Variants in EXD3 observed in about 807,000 individuals in gnomAD.
The protein encoded by EXD3 is exonuclease mut-7 homolog.
A neutral mutation model predicts 98.0 loss-of-function variants in EXD3; 92 were observed. That is an observed-to-expected ratio of 0.94 (90% CI 0.79 to 1.12). The LOEUF (loss-of-function observed/expected upper bound fraction) is 1.12. EXD3 is among the 50% of genes most tolerant of loss of function. The pLI is 0.00. For missense variants in EXD3, 1,222 were observed against 1,191.6 expected, an observed-to-expected ratio of 1.03 and a Z score of -0.38; for synonymous variants, 569 against 526.0, an observed-to-expected ratio of 1.08 and a Z score of -1.12.
At chr9:137,416,709 G>A (rs1362717084) in intron 1 of EXD3, among the ~76,000 whole-genome samples, 2 of 152,222 alleles carry the variant, frequency 1.3e-5, no homozygotes, top group African/African-American at 2.4e-5. Flanking sequence ...TCACACCGAG[G>A]TGGCACCAGG....
chr9:137,361,838 A>C (rs1835010267), intron 7 of EXD3, among the ~76,000 whole-genome samples: 1 of 152,056 alleles, frequency 6.6e-6, no homozygotes, highest in African/African-American at 2.4e-5. Context: ...AATGACATAG[A>C]TCATAGAATT....
intron 5 of EXD3, 59 bp downstream of exon 5, chr9:137,372,846 C>T (rs1325388576): frequency 6.4e-7 from 1 of 1,566,184 alleles, no homozygotes; most frequent in Non-Finnish European, 8.6e-7. Flanking sequence ...CCAGGCGCGT[C>T]CTTGCCCCAC....
chr9:137,385,550 T>C lies in EXD3; in HGVS notation c.56-2173A>G, dbSNP rs1215495530. 6.6e-6 allele frequency among the ~76,000 whole-genome samples: 1 copy of C among 152,170 alleles called. No homozygotes were observed. ...TATTTTGTTATTTAAGTTAATATTTTATTTAGAGACGGAGTCTCACTGTCA... is the reference window on the plus strand; with the variant it reads ...TATTTTGTTATTTAAGTTAATATTTCATTTAGAGACGGAGTCTCACTGTCA... On this transcript the variant is annotated intron_variant, in intron 2 of 21. Transcript: ENST00000340951. This position sits in a 1 kb window ranked among gnomAD's most constrained non-coding sequence, Gnocchi z 4.4.
rs1308757354 is a variant in EXD3, at chr9:137,352,088, C to T, written c.1151G>A (p.Arg384Lys). The T allele has an allele frequency of 6.2e-7, 1 of 1,612,334 alleles. No individual in the cohort carries two copies. Among genetic ancestry groups the T allele is most frequent in the Non-Finnish European group, 8.5e-7 (1 of 1,179,608 alleles). ...HLLASWEDLT[R>K]HEGALLQCHQ... ...CACCTGCAGGAGTGCACCCTCGTGT[C>T]TGGTCAGGTCTTCCCACGAGGCCAG... Residue 384 changes from arginine (R) to lysine (K), a missense_variant, in exon 12 of 22, where the codon AGA becomes AAA. Arg to Lys is a conservative substitution (Grantham distance 26). Coordinates refer to ENST00000340951, the MANE Select transcript of EXD3 (RefSeq NM_017820.5).
intron 3 of EXD3, among the ~76,000 whole-genome samples, chr9:137,380,264 C>T (rs1394542354): frequency 4.6e-5 from 7 of 151,630 alleles, no homozygotes; most frequent in South Asian, 2.1e-4. Context: ...CTGCTGTGCA[C>T]GGAGAAAACA....
chr9:137,391,459 G>A (rs553577366), intron 2 of EXD3, among the ~76,000 whole-genome samples: 1 of 152,226 alleles, frequency 6.6e-6, no homozygotes, highest in Non-Finnish European at 1.5e-5. Context: ...GGCTCCCATT[G>A]TCCGGAGCCC....
At position 137,354,490 on chromosome 9, in the gene EXD3, T is replaced by A. The variant is rs1834504603; in HGVS notation, c.832-113A>T. The stretch of plus-strand genomic sequence containing the variant: ...GGGTACATCCTTGGCAGAGCCCAGG[T>A]GCTCACCCGCCCTGGTGCCACAGCC... On this transcript the variant is annotated intron_variant, in intron 9 of 21. Coordinates refer to ENST00000340951, the MANE Select transcript of EXD3 (RefSeq NM_017820.5). 23 of 1,557,208 alleles carry A rather than the reference T, an allele frequency of 1.5e-5. No individual in the cohort carries two copies. The South Asian group carries it at 2.7e-4, about 18-fold the overall frequency.
chr9:137,356,120 C>G (rs1834773164), intron 8 of EXD3, 148 bp downstream of exon 8: 2 of 636,498 alleles, frequency 3.1e-6, no homozygotes, highest in Non-Finnish European at 5.5e-6. Flanking sequence ...CTGGCACGAG[C>G]TGGGCAAGAG....
At chr9:137,346,321 A>G (rs1564495675) in intron 17 of EXD3, among the ~76,000 whole-genome samples, 4 of 151,378 alleles carry the variant, frequency 2.6e-5, no homozygotes, top group African/African-American at 9.7e-5. Flanking sequence ...AAAAAACTAT[A>G]TGGGTAAGAT....
Position 137,323,859 on chromosome 9 carries a change from G to C in EXD3, c.2053-3C>G. On this transcript the variant is annotated splice_region_variant and splice_polypyrimidine_tract_variant and intron_variant, in intron 18 of 21. Coordinates refer to ENST00000340951, the MANE Select transcript of EXD3 (RefSeq NM_017820.5). ...CCAGCCCCGACCTGGGCCCGGAGCTGCAAAGACACGGCTCGGCTACTGAGG... is the reference window on the plus strand; with the variant it reads ...CCAGCCCCGACCTGGGCCCGGAGCTCCAAAGACACGGCTCGGCTACTGAGG... The C allele has an allele frequency of 6.2e-7, 1 of 1,608,882 alleles. No individual in the cohort carries two copies. The highest frequency in any genetic ancestry group is 1.1e-5 in the South Asian group (1 of 90,782).
chr9:137,391,960 C>T (rs1304859194), intron 2 of EXD3: 17 of 152,168 alleles, frequency 1.1e-4, no homozygotes, highest in Admixed American at 1.1e-3. Flanking sequence ...TCAGCCTCCC[C>T]AGTAGCTGGG....
At chr9:137,367,868 A>G (rs1390648937) in intron 6 of EXD3, 68 bp downstream of exon 6, 3 of 1,485,568 alleles carry the variant, frequency 2.0e-6, no homozygotes, top group Admixed American at 1.9e-5. Flanking sequence ...TCCAACAAAC[A>G]CTGTTTATAG....
intron 3 of EXD3, among the ~76,000 whole-genome samples, chr9:137,377,887 C>T (rs1409290396): frequency 1.6e-5 from 2 of 127,460 alleles, no homozygotes; most frequent in Admixed American, 8.7e-5. Flanking sequence ...TCTGCCTCCT[C>T]GGTTTAAGTG....
At chr9:137,394,087 C>G (rs562302402) in intron 2 of EXD3, among the ~76,000 whole-genome samples, 1 of 152,190 alleles carries the variant, frequency 6.6e-6, no homozygotes, top group Non-Finnish European at 1.5e-5. Flanking sequence ...CCCTCTGGCA[C>G]TAGGCAGCTC....
intron 9 of EXD3, 24 bp from the exon 10 acceptor site, chr9:137,354,401 C>A: frequency 6.2e-7 from 1 of 1,612,114 alleles, no homozygotes; most frequent in African/African-American, 1.3e-5. Flanking sequence ...CAGGAAGGGG[C>A]GGTTGCCAGG....
intron 2 of EXD3, 59 bp from the exon 3 acceptor site, chr9:137,383,436 G>C: frequency 7.5e-7 from 1 of 1,338,298 alleles, no homozygotes. Context: ...CTATCGCACA[G>C]CCCGCCGGGA....
chr9:137,339,852 A>C (rs1237355841), intron 17 of EXD3, among the ~76,000 whole-genome samples: 2 of 152,242 alleles, frequency 1.3e-5, no homozygotes, highest in African/African-American at 2.4e-5. Flanking sequence ...GGCTACCATC[A>C]GCATTTCTAT....
At chr9:137,316,621 G>A (rs751277678) in intron 19 of EXD3, among the ~76,000 whole-genome samples, 2 of 152,242 alleles carry the variant, frequency 1.3e-5, no homozygotes, top group African/African-American at 2.4e-5. Flanking sequence ...TCGACTGGGG[G>A]ACTTCCTGGA....
Position 137,356,280 on chromosome 9 carries a change from C to T in EXD3, c.745G>A (p.Gly249Ser), listed in dbSNP as rs200234842. Residue 249 changes from glycine (G) to serine (S), a missense_variant, in exon 8 of 22, where the codon GGC becomes AGC. By Grantham distance (56) the Gly-to-Ser change is moderately conservative (BLOSUM62 0). Coordinates refer to ENST00000340951, the MANE Select transcript of EXD3 (RefSeq NM_017820.5). ...RQVLRLQERY[G>S]VAPALCPNAA... ...GGGCTGGACTCACCTGGGGCTACGC[C>T]GTACCGCTCCTGCAGACGCAAGACC... The T allele has an allele frequency of 4.3e-4, 688 of 1,600,724 alleles. 1 individual carries two copies. The highest frequency in any genetic ancestry group is 1.8e-3 in the East Asian group (80 of 44,338).
Sources: gnomAD v4.1 joint callset for allele counts (sites outside exome capture counted in the v4.1 genomes callset) on GRCh38, gnomAD v4.1.1 for gene constraint, Gnocchi (gnomAD v3.1) non-coding constraint, MANE v1.5 for transcripts, NCBI Gene and HGNC (gene_info 2026-07-23, HGNC 2026-07-21) for gene names.